Variants in KALRN observed in about 807,000 individuals in gnomAD.
KALRN encodes kalirin.
In KALRN, 70 loss-of-function variants were observed where a neutral mutation model predicts 353.7. The ratio of observed to expected loss-of-function variants is 0.20; its 90% CI spans 0.16 to 0.24. The LOEUF (loss-of-function observed/expected upper bound fraction) is 0.24. Among genes scored for constraint, KALRN ranks in the 10% least tolerant of loss-of-function variants. The pLI, the probability that KALRN is intolerant of heterozygous loss-of-function variation, is 1.00. For synonymous variants in KALRN, 1,391 were observed against 1,434.8 expected, an observed-to-expected ratio of 0.97 and a Z score of 0.69; for missense variants, 2,791 against 3,756.7, an observed-to-expected ratio of 0.74 and a Z score of 6.72.
intron 8 of KALRN, among the ~76,000 whole-genome samples, chr3:124,332,593 T>G (rs2080701603): frequency 6.6e-6 from 1 of 152,062 alleles, no homozygotes; most frequent in South Asian, 2.1e-4. Context: ...GTGTTGATTG[T>G]ATGTGTCATT....
chr3:124,596,561 T>C (rs1467575297), intron 34 of KALRN, among the ~76,000 whole-genome samples: 1 of 152,266 alleles, frequency 6.6e-6, no homozygotes, highest in African/African-American at 2.4e-5. Flanking sequence ...ATTATTTTTT[T>C]GTACCAAGTC....
rs2039083711 is a variant in KALRN at position 124,033,532 on chromosome 3, C to A, written c.-209C>A. Among the ~76,000 whole-genome samples, 1 of 151,708 alleles carries A rather than the reference C, an allele frequency of 6.6e-6. No individual in the cohort carries two copies. Among genetic ancestry groups the A allele is most frequent in the South Asian group, 2.1e-4 (1 of 4,826 alleles). Reference sequence around the variant, plus strand: ...ACCATGGGGGAGCTGGCGGCAGGCACCCCCAGCCCGCCGCGCGCCTCCGCC... The same window carrying A: ...ACCATGGGGGAGCTGGCGGCAGGCAACCCCAGCCCGCCGCGCGCCTCCGCC... On this transcript the variant is annotated 5_prime_UTR_variant, in exon 1 of 60. Coordinates refer to ENST00000682506, the MANE Select transcript of KALRN (RefSeq NM_001388419.1). The surrounding 1 kb of genome is among the most constrained non-coding windows in gnomAD (Gnocchi z 6.2).
chr3:124,619,733 C>T (rs942044852), intron 34 of KALRN, among the ~76,000 whole-genome samples: 8 of 151,984 alleles, frequency 5.3e-5, no homozygotes, highest in East Asian at 3.9e-4. Flanking sequence ...ATGATTCGCC[C>T]GTCTTGGGCT....
intron 49 of KALRN, among the ~76,000 whole-genome samples, chr3:124,675,740 G>C (rs1039934956): frequency 6.6e-6 from 1 of 152,218 alleles, no homozygotes; most frequent in Admixed American, 6.5e-5. Flanking sequence ...CTGAGGTGCT[G>C]ATGTCAATTA....
chr3:124,161,401 A>G (rs1410082690), intron 1 of KALRN, among the ~76,000 whole-genome samples: 1 of 152,192 alleles, frequency 6.6e-6, no homozygotes, highest in Non-Finnish European at 1.5e-5. Context: ...ATGTCACAAT[A>G]ATGGAAACAG....
intron 15 of KALRN, among the ~76,000 whole-genome samples, chr3:124,423,495 A>G (rs921621521): frequency 2.6e-5 from 4 of 152,274 alleles, no homozygotes; most frequent in Non-Finnish European, 4.4e-5. Flanking sequence ...AAAATAACTT[A>G]TCTGCATGAA....
intron 13 of KALRN, among the ~76,000 whole-genome samples, chr3:124,403,043 A>G (rs572738614): frequency 1.3e-5 from 2 of 152,352 alleles, no homozygotes; most frequent in East Asian, 1.9e-4. Context: ...AACTGGACAC[A>G]TGAAAAAAAG....
chr3:124,382,915 ACTTC>A (rs151160730), intron 10 of KALRN, among the ~76,000 whole-genome samples: 3,341 of 152,188 alleles, frequency 0.022, 126 homozygotes, highest in East Asian at 0.1. Context: ...TGAGTGGATG[ACTTC>A]CTTCATCTGC....
chr3:124,177,700 T>G (rs2072981235), intron 1 of KALRN, among the ~76,000 whole-genome samples: 1 of 152,050 alleles, frequency 6.6e-6, no homozygotes, highest in South Asian at 2.1e-4. Flanking sequence ...CCCAAATGAG[T>G]CAGAAGCTTT....
intron 1 of KALRN, among the ~76,000 whole-genome samples, chr3:124,116,033 T>G (rs73857601): frequency 6.6e-6 from 1 of 152,332 alleles, no homozygotes; most frequent in African/African-American, 2.4e-5. Flanking sequence ...GGTGCATATT[T>G]ATCTTACAGT....
At chr3:124,264,424 G>A (rs41264647) in intron 3 of KALRN, 74 bp from the exon 4 acceptor site, 34,569 of 1,300,000 alleles carry the variant, frequency 0.027, 577 homozygotes, top group Non-Finnish European at 0.031. Context: ...GCAGGTTTCC[G>A]GGTGCTTTTT....
At chr3:124,130,820 G>A (rs1461248480) in intron 1 of KALRN, among the ~76,000 whole-genome samples, 1 of 152,108 alleles carries the variant, frequency 6.6e-6, no homozygotes, top group Non-Finnish European at 1.5e-5. Flanking sequence ...CGCACTATTG[G>A]CACTCTAATA....
intron 5 of KALRN, among the ~76,000 whole-genome samples, chr3:124,274,600 C>T (rs2074502886): frequency 6.6e-6 from 1 of 152,240 alleles, no homozygotes; most frequent in African/African-American, 2.4e-5. Context: ...GTATTGAAAT[C>T]ATGCCTATTA....
intron 34 of KALRN, among the ~76,000 whole-genome samples, chr3:124,627,865 C>A (rs1344839657): frequency 6.6e-6 from 1 of 152,202 alleles, no homozygotes; most frequent in East Asian, 1.9e-4. Flanking sequence ...GAGATGCCAA[C>A]CAAGTTAGTC....
At chr3:124,288,242 A>G (rs892942420) in intron 5 of KALRN, among the ~76,000 whole-genome samples, 1 of 152,238 alleles carries the variant, frequency 6.6e-6, no homozygotes, top group Admixed American at 6.5e-5. Context: ...GTGAACTACT[A>G]TGGTAAACAC....
chr3:124,605,716 C>T (rs1024588113), intron 34 of KALRN, among the ~76,000 whole-genome samples: 11 of 152,064 alleles, frequency 7.2e-5, no homozygotes, highest in African/African-American at 2.7e-4. Flanking sequence ...TTGGTTCTGT[C>T]CCCCTGATTA....
At chr3:124,103,375 G>A (rs2149445170) in intron 1 of KALRN, among the ~76,000 whole-genome samples, 1 of 152,264 alleles carries the variant, frequency 6.6e-6, no homozygotes, top group South Asian at 2.1e-4. Context: ...TTCTGTGGTG[G>A]CATACTCAGT....
At chr3:124,671,161 G>C (rs1277707755) in intron 47 of KALRN, among the ~76,000 whole-genome samples, 1 of 152,172 alleles carries the variant, frequency 6.6e-6, no homozygotes, top group Non-Finnish European at 1.5e-5. Context: ...TCAATTTAAA[G>C]CTTTAAAGTT....
chr3:124,666,454 T>A lies in KALRN; in HGVS notation c.6351T>A (p.Thr2117=). 6.2e-7 allele frequency: 1 copy of A among 1,613,880 alleles called. No homozygotes were observed. The highest frequency in any genetic ancestry group is 8.5e-7 in the Non-Finnish European group (1 of 1,179,826). ...CCAGCCCGTCTTTCCTTCAGGGCAC[T>A]CTGACTGCTCAGGGGAAGCTGCTGC... ...NLGRLQGFEG[T]LTAQGKLLQQ... Residue 2117 remains threonine (T), a synonymous_variant, in exon 46 of 60, where the codon ACT becomes ACA. Transcript: ENST00000682506.
Sources: gnomAD v4.1 joint callset for allele counts (sites outside exome capture counted in the v4.1 genomes callset) on GRCh38, gnomAD v4.1.1 for gene constraint, Gnocchi (gnomAD v3.1) non-coding constraint, MANE v1.5 for transcripts, NCBI Gene and HGNC (gene_info 2026-07-23, HGNC 2026-07-21) for gene names.